Variants in TBXAS1 observed in about 807,000 individuals in gnomAD.
TBXAS1 encodes thromboxane A synthase 1.
TBXAS1 carries 48 observed loss-of-function variants against 60.7 expected under a neutral mutation model. The observed-to-expected ratio is 0.79, with a 90% confidence interval of 0.63 to 1.01. The LOEUF (loss-of-function observed/expected upper bound fraction) is 1.01. Among genes scored for constraint, TBXAS1 ranks in the 50% least tolerant of loss-of-function variants. The pLI is 0.00. For synonymous variants in TBXAS1, 287 were observed against 269.7 expected, an observed-to-expected ratio of 1.06 and a Z score of -0.63; for missense variants, 685 against 686.3, an observed-to-expected ratio of 1.00 and a Z score of 0.02.
In TBXAS1 at chr7:139,952,894, A is replaced by C. The variant is rs1266894730; in HGVS notation, c.451-474A>C. ...GTTAAATAAGAAGTTGAAATGGATG[A>C]CCTTAGGTTCCTTTGGATACTAAGA... On this transcript the variant is annotated intron_variant, in intron 5 of 12. Coordinates refer to ENST00000448866, the MANE Select transcript of TBXAS1 (RefSeq NM_001061.7). 5.3e-5 allele frequency among the ~76,000 whole-genome samples: 8 copies of C among 152,226 alleles called. No homozygotes were observed. In the East Asian group the frequency reaches 9.6e-4, roughly 18 times the overall value.
intron 1 of TBXAS1, among the ~76,000 whole-genome samples, chr7:139,847,522 T>A (rs750312688): frequency 1.8e-4 from 28 of 152,122 alleles, no homozygotes; most frequent in Middle Eastern, 3.4e-3. Context: ...GCCAGCCAAC[T>A]AACCAACCAA....
chr7:139,900,392 T>C (rs913224465), intron 3 of TBXAS1, among the ~76,000 whole-genome samples: 1 of 152,156 alleles, frequency 6.6e-6, no homozygotes, highest in Non-Finnish European at 1.5e-5. Flanking sequence ...CTGTTGCATA[T>C]TAATCTCCAG....
chr7:139,886,278 C>T (rs1298556238), intron 3 of TBXAS1, among the ~76,000 whole-genome samples: 2 of 152,124 alleles, frequency 1.3e-5, no homozygotes, highest in African/African-American at 4.8e-5. Flanking sequence ...AGTTTTTCCA[C>T]CCTGAGTAAG....
intron 8 of TBXAS1, among the ~76,000 whole-genome samples, chr7:139,959,520 C>G (rs1481795071): frequency 6.6e-6 from 1 of 152,190 alleles, no homozygotes; most frequent in Non-Finnish European, 1.5e-5. Flanking sequence ...AGAAACCCAT[C>G]TATACTAATG....
chr7:139,984,859 AAG>A (rs1329614084), intron 9 of TBXAS1, among the ~76,000 whole-genome samples: 1 of 150,698 alleles, frequency 6.6e-6, no homozygotes, highest in African/African-American at 2.4e-5. Context: ...AAAAGAAAGA[AAG>A]AAGAAAGAGA....
intron 11 of TBXAS1, 137 bp from the exon 12 acceptor site, chr7:140,017,534 A>T: frequency 8.6e-7 from 1 of 1,165,388 alleles, no homozygotes; most frequent in Non-Finnish European, 1.2e-6. Context: ...ACTGAGGCTC[A>T]GGAATGAGCA....
chr7:139,800,469 C>T (rs1797691194), intron 4 of TBXAS1, among the ~76,000 whole-genome samples: 1 of 152,168 alleles, frequency 6.6e-6, no homozygotes. Context: ...TTCAGAGAAG[C>T]CCTTCTGGAC....
In TBXAS1 at chr7:139,794,526, T is replaced by C. The variant is rs946455791; in HGVS notation, c.-80+7100T>C. On this transcript the variant is annotated intron_variant, in intron 4 of 16. Coordinates refer to the TBXAS1 transcript ENST00000336425. The stretch of plus-strand genomic sequence containing the variant: ...GTCTTCTCCCTTTCTTTTTTTTTTT[T>C]ATTATACTTTAAGTTTTAAGGTACA... Among the ~76,000 whole-genome samples the C allele has an allele frequency of 7.2e-5, 11 of 152,024 alleles. No homozygotes were observed. In the East Asian group the frequency reaches 1.7e-3, roughly 24 times the overall value.
chr7:139,976,463 G>C (rs1811570488), intron 9 of TBXAS1, among the ~76,000 whole-genome samples: 1 of 152,178 alleles, frequency 6.6e-6, no homozygotes, highest in Non-Finnish European at 1.5e-5. Context: ...GGTTTGAATG[G>C]GGAATCAACT....
intron 4 of TBXAS1, among the ~76,000 whole-genome samples, chr7:139,810,656 T>C (rs1297109420): frequency 6.6e-6 from 1 of 152,192 alleles, no homozygotes; most frequent in African/African-American, 2.4e-5. Context: ...TTACCAGACA[T>C]TGACAGAACT....
intron 4 of TBXAS1, among the ~76,000 whole-genome samples, chr7:139,806,593 T>C (rs893845363): frequency 1.7e-4 from 26 of 152,240 alleles, no homozygotes; most frequent in African/African-American, 5.5e-4. Context: ...TAGGAGTTTC[T>C]AGGAGCTGGG....
chr7:139,997,868 G>A (rs1813401115), intron 9 of TBXAS1, among the ~76,000 whole-genome samples: 2 of 152,164 alleles, frequency 1.3e-5, no homozygotes, highest in Non-Finnish European at 2.9e-5. Flanking sequence ...GCAGTGCCAT[G>A]CCCAGATGTA....
chr7:139,900,691 AGTCT>A (rs1235376810), intron 3 of TBXAS1, among the ~76,000 whole-genome samples: 3 of 152,212 alleles, frequency 2.0e-5, no homozygotes, highest in Non-Finnish European at 4.4e-5. Flanking sequence ...CTTTGTAGGC[AGTCT>A]GTCTATCTGA....
chr7:139,863,296 G>A (rs917924510), intron 1 of TBXAS1, among the ~76,000 whole-genome samples: 3 of 152,126 alleles, frequency 2.0e-5, no homozygotes, highest in African/African-American at 2.4e-5. Flanking sequence ...CTATGTCTTT[G>A]TGGTACCTAC....
intron 1 of TBXAS1, among the ~76,000 whole-genome samples, chr7:139,865,713 A>G (rs1224674656): frequency 0.051 from 1,070 of 21,126 alleles, no homozygotes; most frequent in African/African-American, 0.064. Flanking sequence ...AGGAGGAGGA[A>G]GAGGAGGAGG....
At chr7:139,817,166 G>A (rs951935588) in intron 4 of TBXAS1, among the ~76,000 whole-genome samples, 2 of 151,976 alleles carry the variant, frequency 1.3e-5, no homozygotes, top group South Asian at 2.1e-4. Context: ...CCTAGATTCT[G>A]GTAGGGATCT....
intron 9 of TBXAS1, among the ~76,000 whole-genome samples, chr7:139,973,190 T>C (rs1811332297): frequency 6.6e-6 from 1 of 152,174 alleles, no homozygotes; most frequent in Non-Finnish European, 1.5e-5. Flanking sequence ...CAGCTTCCCA[T>C]CCAGGACAGA....
rs114959712 is a variant in TBXAS1 at position 139,792,733 on chromosome 7, G to A, written c.-80+5307G>A. Among the ~76,000 whole-genome samples the A allele has an allele frequency of 2.3e-3, 354 of 152,288 alleles. 1 individual carries two copies. The highest frequency in any genetic ancestry group is 8.4e-3 in the African/African-American group (347 of 41,556). The stretch of plus-strand genomic sequence containing the variant: ...TTTTCATTGGGTCCTAGACTTCCAA[G>A]TCAACCCTACTACATCCAAGTCATC... On this transcript the variant is annotated intron_variant, in intron 4 of 16. Coordinates refer to the TBXAS1 transcript ENST00000336425.
intron 9 of TBXAS1, among the ~76,000 whole-genome samples, chr7:140,001,539 C>T (rs1234015848): frequency 6.6e-6 from 1 of 152,082 alleles, no homozygotes; most frequent in East Asian, 1.9e-4. Context: ...TTACAGGCGC[C>T]CACCACCATA....
Sources: gnomAD v4.1 joint callset for allele counts (sites outside exome capture counted in the v4.1 genomes callset) on GRCh38, gnomAD v4.1.1 for gene constraint, MANE v1.5 for transcripts, NCBI Gene and HGNC (gene_info 2026-07-23, HGNC 2026-07-21) for gene names.